CEP68: variants seen among roughly 807,000 people sequenced by gnomAD.
CEP68 encodes centrosomal protein of 68 kDa.
A neutral mutation model predicts 55.3 loss-of-function variants in CEP68; 26 were observed. The observed-to-expected ratio is 0.47, with a 90% CI of 0.34 to 0.65. The LOEUF is 0.65. Ranked by LOEUF, CEP68 falls within the 30% of genes least tolerant of loss-of-function variation. The pLI, the probability that CEP68 is intolerant of heterozygous loss-of-function variation, is 0.01. For missense variants in CEP68, 957 were observed against 946.7 expected (o/e 1.01, Z -0.14); for synonymous variants, 402 against 383.2 (o/e 1.05, Z -0.57).
At chr2:65,073,044 A>T in intron 3 of CEP68, 64 bp downstream of exon 3, 1 of 1,547,502 alleles carries the variant, frequency 6.5e-7, no homozygotes, top group Non-Finnish European at 8.9e-7. Context: ...CCAATCCACT[A>T]ACATCATAAT....
At chr2:65,060,255 A>G (rs1171385870) in intron 1 of CEP68, among the ~76,000 whole-genome samples, 2 of 152,184 alleles carry the variant, frequency 1.3e-5, no homozygotes, top group African/African-American at 2.4e-5. Context: ...TTTTGCCAGT[A>G]CTTATAAAGT....
intron 1 of CEP68, among the ~76,000 whole-genome samples, chr2:65,062,017 AC>A (rs1326861431): frequency 6.6e-6 from 1 of 152,226 alleles, no homozygotes; most frequent in Non-Finnish European, 1.5e-5. Flanking sequence ...AGGTTCTGCC[AC>A]TGTGTGTTCA....
In CEP68 at chr2:65,086,025, A is replaced by G. The variant is rs563573289; in HGVS notation, c.*2391A>G. On this transcript the variant is annotated 3_prime_UTR_variant, in exon 7 of 7. Coordinates refer to ENST00000377990, the MANE Select transcript of CEP68 (RefSeq NM_015147.3). ...TCAAAGCTGGATCAGCAGTTTCAAG[A>G]TCTGGGTTCTTGGAGATCCATAGGT... 1.3e-5 allele frequency: 2 copies of G among 152,328 alleles called. No individual in the cohort carries two copies. The highest frequency in any genetic ancestry group is 4.8e-5 in the African/African-American group (2 of 41,568). The allele number at this position is 152,328 out of a possible 1,614,324, so 9.4% of individuals were successfully genotyped here.
In CEP68 at chr2:65,072,481, G is replaced by A. The variant is rs755795918; in HGVS notation, c.1385G>A (p.Arg462His). 1.4e-5 allele frequency: 23 copies of A among 1,613,932 alleles called. No individual in the cohort carries two copies. Among genetic ancestry groups the A allele is most frequent in the Admixed American group, 1.2e-4 (7 of 59,994 alleles). Residue 462 changes from arginine (R) to histidine (H), a missense_variant, in exon 3 of 7, where the codon CGC (arginine) becomes CAC (histidine). Coordinates refer to ENST00000377990, the MANE Select transcript of CEP68 (RefSeq NM_015147.3). ...AAGAGGACCAGCCAGAGTGCCCGGC[G>A]CCCTACCTGCACAGAGTCTAGGTGG... is the stretch of plus-strand genomic sequence containing the variant. ...REKRTSQSARRPTCTESRWKS... is the reference protein window; with the variant it reads ...REKRTSQSARHPTCTESRWKS...
rs559747191 is a variant in CEP68 at position 65,074,118 on chromosome 2, G to A, written c.1885-164G>A. ...GGCTGTGGTTTTCATTGCTTTGGCA[G>A]AGGGAGGTACAGAGTCGTGGAGTCG... On this transcript the variant is annotated intron_variant, in intron 3 of 6. Coordinates refer to ENST00000377990, the MANE Select transcript of CEP68 (RefSeq NM_015147.3). 39 of 705,452 alleles carry A rather than the reference G, an allele frequency of 5.5e-5. No individual in the cohort carries two copies. The African/African-American group carries it at 6.5e-4, about 12-fold the overall frequency. 43.7% of individuals were successfully genotyped at this position (705,452 alleles called of 1,614,324 possible). A position where few individuals can be genotyped will look rare whatever the true frequency, so the allele number is the denominator to read the frequency against.
intron 1 of CEP68, among the ~76,000 whole-genome samples, chr2:65,063,345 G>T (rs762670213): frequency 2.0e-5 from 3 of 152,204 alleles, no homozygotes; most frequent in Non-Finnish European, 2.9e-5. Flanking sequence ...CACTGTCTGT[G>T]CTCTGATGTC....
rs549268687 is a variant in CEP68 at position 65,086,616 on chromosome 2, C to T, written c.*2982C>T. The stretch of plus-strand genomic sequence containing the variant: ...AAGAATAAGCTGACAATTTAAACAA[C>T]TTTTACTGTGTAAAAATGAAGTGCA... On this transcript the variant is annotated 3_prime_UTR_variant, in exon 7 of 7. Transcript: ENST00000377990. The T allele has an allele frequency of 1.3e-5, 2 of 152,350 alleles. No homozygotes were observed. Among genetic ancestry groups the T allele is most frequent in the African/African-American group, 4.8e-5 (2 of 41,582 alleles). 9.4% of individuals were successfully genotyped at this position (152,350 alleles called of 1,614,324 possible). A position where few individuals can be genotyped will look rare whatever the true frequency, so the allele number is the denominator to read the frequency against.
At chr2:65,074,096 T>C (rs1676642281) in intron 3 of CEP68, 186 bp from the exon 4 acceptor site, 1 of 599,336 alleles carries the variant, frequency 1.7e-6, no homozygotes, top group Non-Finnish European at 2.8e-6. Flanking sequence ...CACACCAGGC[T>C]GTGGTTTTCA....
rs137938370 is a variant in CEP68, at chr2:65,074,367, A to G, written c.1970A>G (p.Asn657Ser). ...VTDHGTAARS[N>S]LTSLKSSLQL... ...GACCACGGGACTGCAGCCAGGTCCA[A>G]TCTTACAAGTCTCAAGTCTTCTCTG... Residue 657 changes from asparagine (N) to serine (S), a missense_variant, in exon 4 of 7, where the codon AAT (asparagine) becomes AGT (serine). Transcript: ENST00000377990. 98 of 1,614,218 alleles carry G rather than the reference A, an allele frequency of 6.1e-5. No individual in the cohort carries two copies. Among genetic ancestry groups the G allele is most frequent in the Admixed American group, 2.2e-4 (13 of 60,030 alleles).
At chr2:65,061,747 C>G (rs1675923878) in intron 1 of CEP68, among the ~76,000 whole-genome samples, 1 of 152,232 alleles carries the variant, frequency 6.6e-6, no homozygotes, top group African/African-American at 2.4e-5. Flanking sequence ...GTTTTCCTGG[C>G]ACCCACGCCA....
rs1334465025 is a variant in CEP68, at chr2:65,085,374, C to G, written c.*1740C>G. 6.6e-6 allele frequency: 1 copy of G among 152,162 alleles called. No homozygotes were observed. 9.4% of individuals were successfully genotyped at this position (152,162 alleles called of 1,614,324 possible). A position where few individuals can be genotyped will look rare whatever the true frequency, so the allele number is the denominator to read the frequency against. On this transcript the variant is annotated 3_prime_UTR_variant, in exon 7 of 7. Transcript: ENST00000377990. ...AAGTACTACCTTACCTAGAGATGAT[C>G]TAAGATATTTTTGTTCATCCTCTGA... is the stretch of plus-strand genomic sequence containing the variant.
At chr2:65,080,718 T>G (rs1676971775) in intron 5 of CEP68, 1 of 198,262 alleles carries the variant, frequency 5.0e-6, no homozygotes, top group Admixed American at 6.5e-5. Context: ...CTCAGGAGGC[T>G]GGGGCAGGAG....
intron 1 of CEP68, among the ~76,000 whole-genome samples, chr2:65,059,844 G>C (rs1017649988): frequency 5.3e-5 from 8 of 152,214 alleles, no homozygotes; most frequent in Non-Finnish European, 2.9e-5. Context: ...AGGTGATGCA[G>C]ATGCTGCTGG....
intron 6 of CEP68, among the ~76,000 whole-genome samples, chr2:65,083,044 C>T (rs1346974350): frequency 2.0e-5 from 3 of 152,216 alleles, no homozygotes; most frequent in South Asian, 4.1e-4. Context: ...TGCACAGGTA[C>T]ACTTTTCCAG....
At chr2:65,060,656 C>T (rs911541122) in intron 1 of CEP68, among the ~76,000 whole-genome samples, 11 of 152,206 alleles carry the variant, frequency 7.2e-5, no homozygotes, top group African/African-American at 2.7e-4. Context: ...GGTACAGCCT[C>T]TTCTGACAGT....
At position 65,084,758 on chromosome 2, in the gene CEP68, A is replaced by G. The variant is rs1668979682; in HGVS notation, c.*1124A>G. The G allele has an allele frequency of 6.6e-6, 1 of 152,222 alleles. No homozygotes were observed. The highest frequency in any genetic ancestry group is 1.5e-5 in the Non-Finnish European group (1 of 68,032). The allele number at this position is 152,222 out of a possible 1,614,324, so 9.4% of individuals were successfully genotyped here. ...TCTGAGACTTTATAGTCACTGGAAA[A>G]TAGCCATTAAATTCTTTAAAGATTA... is the stretch of plus-strand genomic sequence containing the variant. On this transcript the variant is annotated 3_prime_UTR_variant, in exon 7 of 7. Coordinates refer to ENST00000377990, the MANE Select transcript of CEP68 (RefSeq NM_015147.3).
intron 2 of CEP68, among the ~76,000 whole-genome samples, chr2:65,070,175 G>A (rs1000535970): frequency 6.6e-6 from 1 of 152,178 alleles, no homozygotes; most frequent in African/African-American, 2.4e-5. Flanking sequence ...GGAAAGGAGT[G>A]TCCAGGGCTT....
At chr2:65,058,922 T>TGATTTGGTGCCAAATAGC (rs1487850503) in intron 1 of CEP68, among the ~76,000 whole-genome samples, 9 of 152,158 alleles carry the variant, frequency 5.9e-5, no homozygotes, top group East Asian at 3.8e-4. Context: ...AACTAAAGAT[T>TGATTTGGTGCCAAATAGC]GATTTGGTGC....
chr2:65,072,950 G>A lies in CEP68; in HGVS notation c.1854G>A (p.Gln618=). ...EGQLPRKGGE[Q]GKESLVQCVK... ...AGCTTCCCAGGAAAGGAGGAGAACA[G>A]GGAAAAGAATCACTGGTGCAATGTG... The change falls in exon 3 of 7, where the codon CAG becomes CAA. Residue 618 remains glutamine, a synonymous_variant. Transcript: ENST00000377990. 6.2e-7 allele frequency: 1 copy of A among 1,614,208 alleles called. No individual in the cohort carries two copies. The highest frequency in any genetic ancestry group is 8.5e-7 in the Non-Finnish European group (1 of 1,180,036).
Sources: allele counts gnomAD v4.1 joint callset (sites outside exome capture counted in the v4.1 genomes callset), GRCh38; gene constraint gnomAD v4.1.1; transcripts MANE v1.5; gene names NCBI Gene and HGNC (gene_info 2026-07-23, HGNC 2026-07-21).